The following GGTA1 variants were observed in gnomAD, a reference collection of about 807,000 sequenced individuals.
GGTA1 encodes glycoprotein alpha-galactosyltransferase 1 (inactive), also known as inactive N-acetyllactosaminide alpha-1,3-galactosyltransferase.
In GGTA1, 5 loss-of-function variants were observed where a neutral mutation model predicts 2.6. The ratio of observed to expected loss-of-function variants is 1.92; its 90% CI spans 1.00 to 4.04. The LOEUF is 4.04. Among genes scored for constraint, GGTA1 ranks in the 30% most tolerant of loss-of-function variants. GGTA1 has a pLI of 0.00. For synonymous variants in GGTA1, 17 were observed against 5.0 expected (o/e 3.38, Z -3.19); for missense variants, 50 against 16.7 (o/e 2.99, Z -3.47).
At chr9:121,496,757 A>AAAAAAAAAG (rs1554838784) in intron 1 of GGTA1, among the ~76,000 whole-genome samples, 5 of 111,904 alleles carry the variant, frequency 4.5e-5, no homozygotes, top group African/African-American at 1.2e-4. Context: ...AAAAAAAAAA[A>AAAAAAAAAG]AGAGAGAGAG....
intron 1 of GGTA1, among the ~76,000 whole-genome samples, chr9:121,468,783 A>G (rs781301994): frequency 4.6e-5 from 7 of 152,354 alleles, no homozygotes; most frequent in Middle Eastern, 3.4e-3. Flanking sequence ...CTAAGGCCAC[A>G]CTGGGGCTCA....
chr9:121,463,152 A>AG (rs1417315444), intron 3 of GGTA1, 141 bp downstream of exon 3: 5 of 417,346 alleles, frequency 1.2e-5, no homozygotes, highest in Non-Finnish European at 2.3e-5. Flanking sequence ...ATAACATTCC[A>AG]GATCCCCAGG....
chr9:121,449,032 T>G (rs952914392), intron 7 of GGTA1, among the ~76,000 whole-genome samples: 1 of 152,272 alleles, frequency 6.6e-6, no homozygotes, highest in Non-Finnish European at 1.5e-5. Flanking sequence ...TCCATAGTTT[T>G]ACCTTTTCCA....
At chr9:121,463,239 G>A (rs2064975420) in intron 3 of GGTA1, 54 bp downstream of exon 3, 1 of 454,326 alleles carries the variant, frequency 2.2e-6, no homozygotes, top group Admixed American at 2.4e-5. Flanking sequence ...TGTAGGGGGT[G>A]CCAGAGTGGC....
rs1182339300 is a variant in GGTA1 at position 121,455,850 on chromosome 9, A to T, written c.299-9T>A. Reference sequence around the variant, plus strand: ...ATTCGGATTCCTTCAAGCTGGAAGAAAAAACAGCAACATTAAAAATTTATG... The same window carrying T: ...ATTCGGATTCCTTCAAGCTGGAAGATAAAACAGCAACATTAAAAATTTATG... On this transcript the variant is annotated splice_polypyrimidine_tract_variant and intron_variant, in intron 5 of 5. Coordinates refer to ENST00000481799, the MANE Select transcript of GGTA1 (RefSeq NM_001382585.1). 1 of 451,958 alleles carries T rather than the reference A, an allele frequency of 2.2e-6. No individual in the cohort carries two copies. Among genetic ancestry groups the T allele is most frequent in the Admixed American group, 2.4e-5 (1 of 42,188 alleles). The allele number at this position is 451,958 out of a possible 1,614,324, so 28.0% of individuals were successfully genotyped here. A position where few individuals can be genotyped will look rare whatever the true frequency, so the allele number is the denominator to read the frequency against.
At chr9:121,451,076 GA>G (rs199768062), downstream of GGTA1, among the ~76,000 whole-genome samples, 4 of 144,234 alleles carry the variant, frequency 2.8e-5, no homozygotes, top group African/African-American at 1.0e-4. Flanking sequence ...CCAGAGGGCA[GA>G]AAAAAAAATA....
chr9:121,451,564 C>T (rs1284516471), downstream of GGTA1, among the ~76,000 whole-genome samples: 2 of 152,190 alleles, frequency 1.3e-5, no homozygotes, highest in Non-Finnish European at 2.9e-5. Context: ...AAACTGGAAC[C>T]TATCCAACCT....
At chr9:121,469,677 C>T (rs1415439968) in intron 1 of GGTA1, among the ~76,000 whole-genome samples, 3 of 152,194 alleles carry the variant, frequency 2.0e-5, no homozygotes, top group Admixed American at 2.0e-4. Context: ...TCTTCAAAAA[C>T]CTCTCTGGCT....
chr9:121,478,524 G>C (rs1828564199), intron 1 of GGTA1, among the ~76,000 whole-genome samples: 1 of 152,210 alleles, frequency 6.6e-6, no homozygotes, highest in Non-Finnish European at 1.5e-5. Flanking sequence ...TAAGGAGGAA[G>C]AGTGCCTTAT....
chr9:121,485,410 C>G (rs1828738051), intron 1 of GGTA1, among the ~76,000 whole-genome samples: 1 of 152,140 alleles, frequency 6.6e-6, no homozygotes, highest in East Asian at 1.9e-4. Flanking sequence ...CCCGTCCTAA[C>G]TAGTGAACGA....
At chr9:121,469,460 G>C (rs1828334230) in intron 1 of GGTA1, among the ~76,000 whole-genome samples, 1 of 152,200 alleles carries the variant, frequency 6.6e-6, no homozygotes, top group Non-Finnish European at 1.5e-5. Context: ...AGGGAGGAAA[G>C]GGAGCCACAA....
chr9:121,479,782 C>T (rs1299086639), intron 1 of GGTA1, among the ~76,000 whole-genome samples: 2 of 152,148 alleles, frequency 1.3e-5, no homozygotes, highest in Non-Finnish European at 2.9e-5. Context: ...GAAATTCTAC[C>T]TAAATGTTCC....
intron 4 of GGTA1, among the ~76,000 whole-genome samples, chr9:121,460,903 GAAACA>G (rs1373859064): frequency 6.6e-6 from 1 of 151,834 alleles, no homozygotes; most frequent in Non-Finnish European, 1.5e-5. Flanking sequence ...CAAGTTAACT[GAAACA>G]AAACAAAACA....
intron 1 of GGTA1, among the ~76,000 whole-genome samples, chr9:121,486,637 T>G (rs972219591): frequency 6.6e-6 from 1 of 152,212 alleles, no homozygotes; most frequent in African/African-American, 2.4e-5. Flanking sequence ...ATTGCCTGTG[T>G]CTCAGTCCCA....
intron 1 of GGTA1, among the ~76,000 whole-genome samples, chr9:121,481,493 C>A (rs1828648748): frequency 6.6e-6 from 1 of 151,416 alleles, no homozygotes; most frequent in South Asian, 2.1e-4. Flanking sequence ...TTGAGACCAG[C>A]CTAACATGGT....
chr9:121,491,474 G>A (rs1194069600), intron 1 of GGTA1, among the ~76,000 whole-genome samples: 2 of 152,074 alleles, frequency 1.3e-5, no homozygotes, highest in South Asian at 4.1e-4. Context: ...CTCTCTACCC[G>A]GTTCCCCCTA....
chr9:121,462,171 A>G (rs1197213439), intron 3 of GGTA1, among the ~76,000 whole-genome samples: 1 of 152,118 alleles, frequency 6.6e-6, no homozygotes, highest in Admixed American at 6.5e-5. Context: ...CAAAAACACA[A>G]AAAATTAGCC....
At chr9:121,489,919 C>T (rs1327062534) in intron 1 of GGTA1, among the ~76,000 whole-genome samples, 1 of 152,210 alleles carries the variant, frequency 6.6e-6, no homozygotes, top group Admixed American at 6.5e-5. Context: ...GCTCTGTCTG[C>T]TCCTGCAAAA....
chr9:121,471,428 G>A (rs1200998574), intron 1 of GGTA1, among the ~76,000 whole-genome samples: 1 of 152,216 alleles, frequency 6.6e-6, no homozygotes, highest in African/African-American at 2.4e-5. Context: ...CTGAGTGAAT[G>A]AAATCAAATA....
Sources: gnomAD v4.1 joint callset for allele counts (sites outside exome capture counted in the v4.1 genomes callset) on GRCh38, gnomAD v4.1.1 for gene constraint, MANE v1.5 for transcripts, NCBI Gene and HGNC (gene_info 2026-07-23, HGNC 2026-07-21) for gene names.